Variants in NTNG1 observed in about 807,000 individuals in gnomAD.
The protein encoded by NTNG1 is netrin G1.
Under a neutral mutation model 54.0 loss-of-function variants are expected in NTNG1, and 16 were observed. The observed-to-expected ratio is 0.30, with a 90% CI of 0.20 to 0.45. The LOEUF is 0.45. Among genes scored for constraint, NTNG1 ranks in the 20% least tolerant of loss-of-function variants. NTNG1 has a pLI of 1.00. For missense variants in NTNG1, 530 were observed against 678.7 expected (o/e 0.78, Z 2.43); for synonymous variants, 255 against 263.1 (o/e 0.97, Z 0.30).
At chr1:107,419,604 T>C (rs1207668338) in intron 5 of NTNG1, among the ~76,000 whole-genome samples, 1 of 143,010 alleles carries the variant, frequency 7.0e-6, no homozygotes, top group Non-Finnish European at 1.5e-5. Context: ...TATTGTATTA[T>C]TTTGCCTTCT....
chr1:107,389,157 C>T (rs1451377586), intron 3 of NTNG1, among the ~76,000 whole-genome samples: 2 of 152,356 alleles, frequency 1.3e-5, no homozygotes, highest in Admixed American at 6.5e-5. Context: ...TTGCTAGGGT[C>T]GTCCTCAGAG....
At chr1:107,320,262 A>C (rs1667577083) in intron 2 of NTNG1, among the ~76,000 whole-genome samples, 1 of 152,156 alleles carries the variant, frequency 6.6e-6, no homozygotes, top group African/African-American at 2.4e-5. Flanking sequence ...CTTTGTCCAC[A>C]ATCAGCTAAG....
At chr1:107,244,142 T>C (rs1482381996) in intron 2 of NTNG1, among the ~76,000 whole-genome samples, 1 of 152,226 alleles carries the variant, frequency 6.6e-6, no homozygotes, top group South Asian at 2.1e-4. Context: ...ACTAACTTTA[T>C]ATATAATGTT....
chr1:107,353,295 A>G (rs979587687), intron 3 of NTNG1, among the ~76,000 whole-genome samples: 1 of 152,132 alleles, frequency 6.6e-6, no homozygotes, highest in Non-Finnish European at 1.5e-5. Flanking sequence ...AGAAACAGCC[A>G]TGTCAAATTT....
rs114046481 is a variant in NTNG1 at position 107,208,106 on chromosome 1, A to G, written c.246+59267A>G. On this transcript the variant is annotated intron_variant, in intron 2 of 7. Transcript: ENST00000370068. ...GGCATGTGTGTTCCCTTGAGACACC[A>G]GCACATTAAGTTCATATCTGATTCA... 2.4e-3 allele frequency among the ~76,000 whole-genome samples: 368 copies of G among 152,290 alleles called. 2 individuals are homozygous for G. The highest frequency in any genetic ancestry group is 8.2e-3 in the African/African-American group (340 of 41,572).
chr1:107,266,890 T>C (rs1456360633), intron 2 of NTNG1, among the ~76,000 whole-genome samples: 1 of 152,128 alleles, frequency 6.6e-6, no homozygotes, highest in Non-Finnish European at 1.5e-5. Context: ...TTATCTAAAG[T>C]TTTAAGCTGT....
intron 2 of NTNG1, among the ~76,000 whole-genome samples, chr1:107,278,723 T>C (rs1185774517): frequency 1.3e-5 from 2 of 152,128 alleles, no homozygotes; most frequent in Non-Finnish European, 1.5e-5. Flanking sequence ...TTTTCACCAG[T>C]TTATCTCCTT....
At chr1:107,440,640 T>C (rs898901386) in intron 7 of NTNG1, among the ~76,000 whole-genome samples, 2 of 152,176 alleles carry the variant, frequency 1.3e-5, no homozygotes, top group African/African-American at 4.8e-5. Flanking sequence ...CGTGCAATGT[T>C]ACTGTAGAAC....
intron 2 of NTNG1, among the ~76,000 whole-genome samples, chr1:107,231,480 T>C (rs569806819): frequency 6.6e-6 from 1 of 152,342 alleles, no homozygotes; most frequent in African/African-American, 2.4e-5. Flanking sequence ...ACAGATTGTA[T>C]ACTTTTTCTA....
chr1:107,161,324 A>C (rs552364172), intron 2 of NTNG1, among the ~76,000 whole-genome samples: 1 of 152,316 alleles, frequency 6.6e-6, no homozygotes, highest in South Asian at 2.1e-4. Context: ...TTCAATTAAA[A>C]ATATTTTAAG....
chr1:107,181,242 A>G (rs1384714297), intron 2 of NTNG1, among the ~76,000 whole-genome samples: 1 of 151,986 alleles, frequency 6.6e-6, no homozygotes, highest in African/African-American at 2.4e-5. Context: ...TTTCTTAGAA[A>G]ACTAGAGACA....
chr1:107,242,134 C>A (rs1048862097), intron 2 of NTNG1, among the ~76,000 whole-genome samples: 1 of 151,212 alleles, frequency 6.6e-6, no homozygotes, highest in Admixed American at 6.6e-5. Context: ...ATTATCTGAG[C>A]GTGGTGTTGC....
intron 2 of NTNG1, among the ~76,000 whole-genome samples, chr1:107,285,012 C>CAGTGAGATTTAT (rs1553217464): frequency 1.3e-5 from 2 of 152,000 alleles, no homozygotes; most frequent in African/African-American, 4.8e-5. Flanking sequence ...GATTGTCAAT[C>CAGTGAGATTTAT]ACATGTATAA....
At chr1:107,229,308 A>G (rs1660898402) in intron 2 of NTNG1, among the ~76,000 whole-genome samples, 1 of 148,768 alleles carries the variant, frequency 6.7e-6, no homozygotes, top group African/African-American at 2.5e-5. Context: ...ACTTGATGTC[A>G]TTTTCTCATC....
At chr1:107,469,487 G>A (rs1378002406) in intron 7 of NTNG1, among the ~76,000 whole-genome samples, 1 of 152,046 alleles carries the variant, frequency 6.6e-6, no homozygotes, top group Non-Finnish European at 1.5e-5. Context: ...TTATTTTATT[G>A]TATTGTATTT....
intron 7 of NTNG1, among the ~76,000 whole-genome samples, chr1:107,474,867 GTTACAGTGGCA>G (rs1205753101): frequency 6.6e-6 from 1 of 152,206 alleles, no homozygotes; most frequent in Non-Finnish European, 1.5e-5. Flanking sequence ...TCTTAATACT[GTTACAGTGGCA>G]AATAAATTTC....
chr1:107,472,320 C>A (rs1018865289), intron 7 of NTNG1, among the ~76,000 whole-genome samples: 2 of 152,180 alleles, frequency 1.3e-5, no homozygotes, highest in Non-Finnish European at 2.9e-5. Flanking sequence ...ATTTCTAACA[C>A]TTTGCCTTCA....
At chr1:107,378,478 T>C (rs1356795374) in intron 3 of NTNG1, among the ~76,000 whole-genome samples, 1 of 151,994 alleles carries the variant, frequency 6.6e-6, no homozygotes, top group Non-Finnish European at 1.5e-5. Flanking sequence ...TACACATTGG[T>C]CTTGGTTAAA....
intron 2 of NTNG1, among the ~76,000 whole-genome samples, chr1:107,179,535 AT>A (rs1242779011): frequency 2.6e-5 from 4 of 151,944 alleles, no homozygotes; most frequent in Admixed American, 6.6e-5. Flanking sequence ...AAAATATTTC[AT>A]TTTTGTTATA....
Sources: allele counts gnomAD v4.1 joint callset (sites outside exome capture counted in the v4.1 genomes callset), GRCh38; gene constraint gnomAD v4.1.1; transcripts MANE v1.5; gene names NCBI Gene and HGNC (gene_info 2026-07-23, HGNC 2026-07-21).